Variants in DNAH5 observed in about 807,000 individuals in gnomAD.
The protein encoded by DNAH5 is dynein axonemal heavy chain 5, also known as axonemal beta dynein heavy chain 5.
DNAH5 carries 372 observed loss-of-function variants against 518.2 expected under a neutral mutation model. That is an observed-to-expected ratio of 0.72 (90% CI 0.66 to 0.78). DNAH5 has a LOEUF of 0.78. DNAH5 is among the 30% of genes least tolerant of loss of function. DNAH5 has a pLI of 0.00. For missense variants in DNAH5, 5,523 were observed against 5,687.0 expected (o/e 0.97, Z 0.93); for synonymous variants, 2,039 against 2,025.9 (o/e 1.01, Z -0.17).
Position 13,873,679 on chromosome 5 carries a change from T to TA in DNAH5, c.3397-1915_3397-1914insT, listed in dbSNP as rs1358786779. Among the ~76,000 whole-genome samples, 20 of 152,144 alleles carry TA rather than the reference T, an allele frequency of 1.3e-4. No individual in the cohort carries two copies. The East Asian group carries it at 3.9e-3, about 29-fold the overall frequency. On this transcript the variant is annotated intron_variant, in intron 22 of 78. Coordinates refer to ENST00000265104, the MANE Select transcript of DNAH5 (RefSeq NM_001369.3). ...ATTACTATTTATTTATTTATTTATT[T>TA]TTGTAGAGACGAGATCTCACTGTGT...
intron 60 of DNAH5, among the ~76,000 whole-genome samples, chr5:13,762,481 T>A (rs1011204451): frequency 1.3e-5 from 2 of 152,206 alleles, no homozygotes; most frequent in African/African-American, 2.4e-5. Flanking sequence ...ACAATGGACC[T>A]GTAGGGAGCA....
chr5:13,877,642 G>A (rs182101557), intron 21 of DNAH5, among the ~76,000 whole-genome samples: 1 of 152,342 alleles, frequency 6.6e-6, no homozygotes, highest in Non-Finnish European at 1.5e-5. Context: ...GGCAGGAAAA[G>A]TGGAGACACA....
In DNAH5 at chr5:13,864,140, C is replaced by T. The variant is rs189968522; in HGVS notation, c.4596+257G>A. ...CATACATTTTATTCAATGGTATTTG[C>T]CACAGCTTATAACTGTGCCTTTATT... is the stretch of plus-strand genomic sequence containing the variant. On this transcript the variant is annotated intron_variant, in intron 28 of 78. Transcript: ENST00000265104. 2.3e-3 allele frequency among the ~76,000 whole-genome samples: 352 copies of T among 152,288 alleles called. 1 individual carries two copies. The highest frequency in any genetic ancestry group is 8.2e-3 in the African/African-American group (340 of 41,572).
intron 76 of DNAH5, among the ~76,000 whole-genome samples, chr5:13,702,025 G>A (rs1742187735): frequency 1.3e-5 from 2 of 152,092 alleles, no homozygotes; most frequent in Admixed American, 1.3e-4. Flanking sequence ...CTCTCTTGAA[G>A]GAGCAAAAAA....
At chr5:13,969,385 T>C (rs1347394168) in intron 1 of DNAH5, among the ~76,000 whole-genome samples, 1 of 152,152 alleles carries the variant, frequency 6.6e-6, no homozygotes, top group Non-Finnish European at 1.5e-5. Flanking sequence ...CTTGTTTATC[T>C]AGTTCCTTGA....
chr5:13,903,367 A>G (rs1199073004), intron 12 of DNAH5, among the ~76,000 whole-genome samples: 1 of 152,068 alleles, frequency 6.6e-6, no homozygotes, highest in African/African-American at 2.4e-5. Context: ...AAGGTGTAAC[A>G]TATGTCTATT....
chr5:13,902,930 A>C (rs1187010627), intron 12 of DNAH5, among the ~76,000 whole-genome samples: 1 of 152,242 alleles, frequency 6.6e-6, no homozygotes, highest in African/African-American at 2.4e-5. Flanking sequence ...AAAAAAAATA[A>C]ATACATAACT....
At chr5:13,930,639 A>C (rs1580943169) in intron 2 of DNAH5, among the ~76,000 whole-genome samples, 2 of 152,304 alleles carry the variant, frequency 1.3e-5, no homozygotes, top group East Asian at 3.9e-4. Flanking sequence ...CCAGTTTTAA[A>C]GAAAAATTGT....
intron 30 of DNAH5, among the ~76,000 whole-genome samples, chr5:13,857,072 ATC>A (rs1169660195): frequency 1.3e-5 from 2 of 152,176 alleles, no homozygotes; most frequent in Non-Finnish European, 2.9e-5. Flanking sequence ...AAGTCAAATT[ATC>A]TCTGTTTGCA....
chr5:13,802,613 A>G (rs1322592064), intron 47 of DNAH5, among the ~76,000 whole-genome samples: 1 of 152,194 alleles, frequency 6.6e-6, no homozygotes, highest in Non-Finnish European at 1.5e-5. Context: ...TGTTTCCCCA[A>G]CAAGACAAAG....
At chr5:13,923,801 T>C (rs1203380392) in intron 3 of DNAH5, among the ~76,000 whole-genome samples, 2 of 152,092 alleles carry the variant, frequency 1.3e-5, no homozygotes, top group Non-Finnish European at 2.9e-5. Context: ...CCCAGCACTT[T>C]GAGAGGCCGA....
chr5:13,864,864 T>C (rs969383769), intron 27 of DNAH5, among the ~76,000 whole-genome samples: 194 of 152,302 alleles, frequency 1.3e-3, no homozygotes, highest in African/African-American at 4.4e-3. Flanking sequence ...TTCACAACTA[T>C]TACCTAGTTA....
In DNAH5 at chr5:13,808,686, A is replaced by G. The variant is rs1038380047; in HGVS notation, c.7752+358T>C. ...GCAGGATGCTTCATGTTGGCTGGGC[A>G]CGGTGGCTCACGCCTGTAATCCCAG... On this transcript the variant is annotated intron_variant, in intron 46 of 78. Transcript: ENST00000265104. 3.3e-5 allele frequency among the ~76,000 whole-genome samples: 5 copies of G among 152,254 alleles called. No individual in the cohort carries two copies. In the East Asian group the frequency reaches 9.7e-4, roughly 29 times the overall value.
intron 32 of DNAH5, among the ~76,000 whole-genome samples, chr5:13,844,345 C>T (rs1580539658): frequency 6.6e-6 from 1 of 152,186 alleles, no homozygotes; most frequent in East Asian, 1.9e-4. Flanking sequence ...AATAGATTTC[C>T]GCAGCTGTGC....
chr5:13,889,327 G>T (rs1772862182), intron 17 of DNAH5, among the ~76,000 whole-genome samples: 1 of 152,172 alleles, frequency 6.6e-6, no homozygotes, highest in Non-Finnish European at 1.5e-5. Context: ...GGATGGTTAG[G>T]TGTACCCACA....
intron 15 of DNAH5, chr5:13,896,668 T>C (rs1285171557): frequency 6.6e-6 from 1 of 152,228 alleles, no homozygotes; most frequent in Non-Finnish European, 1.5e-5. Flanking sequence ...TAGGAGATAA[T>C]AAATCAATAT....
chr5:13,926,655 G>C (rs1777901178), intron 3 of DNAH5, among the ~76,000 whole-genome samples: 1 of 151,474 alleles, frequency 6.6e-6, no homozygotes, highest in Admixed American at 6.6e-5. Flanking sequence ...GAACATCCAG[G>C]AAAGTCACAG....
Position 13,765,976 on chromosome 5 carries a change from C to G in DNAH5, c.10101G>C (p.Gln3367His). 1 of 1,614,078 alleles carries G rather than the reference C, an allele frequency of 6.2e-7. No homozygotes were observed. Among genetic ancestry groups the G allele is most frequent in the Non-Finnish European group, 8.5e-7 (1 of 1,179,914 alleles). The change falls in exon 59 of 79, where the codon CAG becomes CAC. Residue 3367 changes from glutamine to histidine, a missense_variant and splice_region_variant. Physicochemically the swap from Gln to His is conservative, Grantham distance 24 (BLOSUM62 0). This residue lies in a region of DNAH5 where 5,121 missense variants were observed against 5,223.3 expected (regional missense o/e 0.98). Coordinates refer to ENST00000265104, the MANE Select transcript of DNAH5 (RefSeq NM_001369.3). The part of the protein sequence containing the change: ...MTAGNFLQNL[Q>H]QFPKDTINEE... ...AGCCCATCACCACTGAACTACCAAC[C>G]TGTAAGTTCTGTAAAAAGTTCCCTG...
chr5:13,763,224 A>G (rs1429468276), intron 59 of DNAH5, among the ~76,000 whole-genome samples: 1 of 151,840 alleles, frequency 6.6e-6, no homozygotes, highest in Admixed American at 6.6e-5. Context: ...AAAGCAATAA[A>G]GATTTTTTGT....
Sources: allele counts gnomAD v4.1 joint callset (sites outside exome capture counted in the v4.1 genomes callset), GRCh38; gene constraint gnomAD v4.1.1; regional missense constraint gnomAD v4.1.1; transcripts MANE v1.5; gene names NCBI Gene and HGNC (gene_info 2026-07-23, HGNC 2026-07-21).